LGR4: variants seen among roughly 807,000 people sequenced by gnomAD.
The protein encoded by LGR4 is leucine-rich repeat-containing G protein-coupled receptor 4.
Under a neutral mutation model 84.8 loss-of-function variants are expected in LGR4, and 44 were observed. That is an observed-to-expected ratio of 0.52 (90% CI 0.41 to 0.67). The LOEUF is 0.67. LGR4 is among the 30% of genes least tolerant of loss of function. LGR4 has a pLI of 0.00. For synonymous variants in LGR4, 429 were observed against 434.3 expected (o/e 0.99, Z 0.15); for missense variants, 1,032 against 1,131.4 (o/e 0.91, Z 1.26).
intron 4 of LGR4, among the ~76,000 whole-genome samples, chr11:27,390,420 C>A (rs1280967506): frequency 6.6e-6 from 1 of 152,110 alleles, no homozygotes; most frequent in Non-Finnish European, 1.5e-5. Context: ...AATTAGACTT[C>A]TGAATTCTAC....
chr11:27,428,762 A>C (rs1356320253), intron 1 of LGR4, among the ~76,000 whole-genome samples: 1 of 151,430 alleles, frequency 6.6e-6, no homozygotes, highest in Non-Finnish European at 1.5e-5. Flanking sequence ...TTGTTTTTTT[A>C]CGACATAGGC....
chr11:27,460,725 A>G, intron 1 of LGR4, among the ~76,000 whole-genome samples: 1 of 152,128 alleles, frequency 6.6e-6, no homozygotes, highest in Non-Finnish European at 1.5e-5. Context: ...TCACAGCCCC[A>G]GACTCTGTGT....
chr11:27,412,655 C>T, intron 2 of LGR4, 134 bp downstream of exon 2: 3 of 688,536 alleles, frequency 4.4e-6, no homozygotes, highest in Non-Finnish European at 7.8e-6. Context: ...AACATGATTT[C>T]CTCCTCACAA....
At chr11:27,381,549 G>C (rs1863094020) in intron 7 of LGR4, among the ~76,000 whole-genome samples, 2 of 152,224 alleles carry the variant, frequency 1.3e-5, no homozygotes, top group Admixed American at 6.5e-5. Context: ...GGGCGTGGTG[G>C]TGCATGCCTG....
intron 1 of LGR4, among the ~76,000 whole-genome samples, chr11:27,460,473 C>A (rs187022238): frequency 6.6e-6 from 1 of 152,328 alleles, no homozygotes; most frequent in Admixed American, 6.5e-5. Flanking sequence ...CCTGTGCTCA[C>A]GCATACACAA....
intron 15 of LGR4, chr11:27,372,934 AG>A (rs1235641730): frequency 6.5e-6 from 1 of 152,780 alleles, no homozygotes; most frequent in African/African-American, 2.4e-5. Context: ...ATCACAGCTC[AG>A]TGCAGCCTAG....
Position 27,380,348 on chromosome 11 carries a change from A to G in LGR4, c.903-9T>C. ...TTGCACCACGAATGACTCTTTATGAAATTGAGAAAGACAAGGTAATTTTTA... is the reference window on the plus strand; with the variant it reads ...TTGCACCACGAATGACTCTTTATGAGATTGAGAAAGACAAGGTAATTTTTA... On this transcript the variant is annotated splice_polypyrimidine_tract_variant and intron_variant, in intron 9 of 17. Transcript: ENST00000379214. The G allele has an allele frequency of 6.3e-7, 1 of 1,598,264 alleles. No individual in the cohort carries two copies. Among genetic ancestry groups the G allele is most frequent in the Non-Finnish European group, 8.5e-7 (1 of 1,171,092 alleles).
intron 1 of LGR4, among the ~76,000 whole-genome samples, chr11:27,417,335 G>T (rs547778804): frequency 6.6e-6 from 1 of 151,888 alleles, no homozygotes; most frequent in African/African-American, 2.4e-5. Context: ...TCAAATCTTA[G>T]AAATAAATAA....
At chr11:27,393,364 G>C (rs188606379) in intron 2 of LGR4, among the ~76,000 whole-genome samples, 17 of 152,178 alleles carry the variant, frequency 1.1e-4, no homozygotes, top group African/African-American at 3.9e-4. Context: ...GTGTTCATAT[G>C]ATCAAACACA....
intron 10 of LGR4, chr11:27,379,040 C>T (rs1863040628): frequency 2.3e-6 from 1 of 425,890 alleles, no homozygotes. Flanking sequence ...CACTAATCTA[C>T]AGTCACACAG....
chr11:27,472,029 G>GTGGGA, intron 1 of LGR4, 89 bp downstream of exon 1: 1 of 1,009,784 alleles, frequency 9.9e-7, no homozygotes, highest in Non-Finnish European at 1.3e-6. Context: ...GCGGGGTGGG[G>GTGGGA]TGGGACTGAC....
chr11:27,383,379 A>G (rs1863133786), intron 6 of LGR4, among the ~76,000 whole-genome samples: 1 of 152,238 alleles, frequency 6.6e-6, no homozygotes, highest in South Asian at 2.1e-4. Flanking sequence ...CATAATTGAA[A>G]TAGTGTACAC....
chr11:27,440,137 C>T (rs1397030497), intron 1 of LGR4, among the ~76,000 whole-genome samples: 3 of 152,060 alleles, frequency 2.0e-5, no homozygotes, highest in Non-Finnish European at 2.9e-5. Context: ...AACTCCTGAC[C>T]TCAGGTGATC....
At chr11:27,378,942 C>G (rs1863038932) in intron 10 of LGR4, 174 bp from the exon 11 acceptor site, 1 of 580,754 alleles carries the variant, frequency 1.7e-6, no homozygotes, top group Admixed American at 3.4e-5. Context: ...AACCCCAATT[C>G]TGATATCATC....
chr11:27,436,429 A>T (rs1000116512), intron 1 of LGR4, among the ~76,000 whole-genome samples: 6 of 151,902 alleles, frequency 3.9e-5, no homozygotes, highest in African/African-American at 1.5e-4. Context: ...AAGGAAAGAA[A>T]CTGTCAGGCA....
intron 10 of LGR4, chr11:27,379,217 C>T (rs1863044867): frequency 6.1e-6 from 1 of 163,886 alleles, no homozygotes; most frequent in Non-Finnish European, 1.3e-5. Flanking sequence ...ATCACCAGTT[C>T]CTGTTATTTC....
chr11:27,377,297 C>A, intron 11 of LGR4, 74 bp from the exon 12 acceptor site: 1 of 770,916 alleles, frequency 1.3e-6, no homozygotes, highest in East Asian at 2.7e-5. Context: ...TACTCAGAAG[C>A]GTTGAAAGCA....
In LGR4 at chr11:27,463,908, T is replaced by C. The variant is rs547985412; in HGVS notation, c.185+8210A>G. On this transcript the variant is annotated intron_variant, in intron 1 of 17. Coordinates refer to ENST00000379214, the MANE Select transcript of LGR4 (RefSeq NM_018490.5). ...GTAAGAATTCCGCGTACACTTCAAC[T>C]TGTGTGAGAGAAGGAGATCCTGAAG... 2.0e-5 allele frequency among the ~76,000 whole-genome samples: 3 copies of C among 152,368 alleles called. No individual in the cohort carries two copies. In the South Asian group the frequency reaches 6.2e-4, roughly 32 times the overall value.
At chr11:27,408,755 A>G (rs1303930371) in intron 2 of LGR4, among the ~76,000 whole-genome samples, 1 of 152,142 alleles carries the variant, frequency 6.6e-6, no homozygotes, top group Non-Finnish European at 1.5e-5. Context: ...TCTCTTCCAA[A>G]TGATATCAAG....
Sources: gnomAD v4.1 joint callset for allele counts (sites outside exome capture counted in the v4.1 genomes callset) on GRCh38, gnomAD v4.1.1 for gene constraint, MANE v1.5 for transcripts, NCBI Gene and HGNC (gene_info 2026-07-23, HGNC 2026-07-21) for gene names.